The following CLIP1 variants were observed in gnomAD, a reference collection of about 807,000 sequenced individuals.
CLIP1 encodes CAP-Gly domain containing linker protein 1.
In CLIP1, 66 loss-of-function variants were observed where a neutral mutation model predicts 161.6. That is an observed-to-expected ratio of 0.41 (90% confidence interval 0.33 to 0.50). CLIP1 has a LOEUF of 0.50. Among genes scored for constraint, CLIP1 ranks in the 20% least tolerant of loss-of-function variants. The probability of loss-of-function intolerance (pLI) is 0.27; values close to 1 mark genes in which losing one functional copy is unlikely to be tolerated. For missense variants in CLIP1, 1,376 were observed against 1,702.0 expected (o/e 0.81, Z 3.37); for synonymous variants, 598 against 626.2 (o/e 0.96, Z 0.67).
chr12:122,390,560 C>T (rs1174317433), intron 1 of CLIP1, among the ~76,000 whole-genome samples: 1 of 151,642 alleles, frequency 6.6e-6, no homozygotes, highest in African/African-American at 2.4e-5. Flanking sequence ...GATCCGCCCA[C>T]CTCGGCCTCC....
At chr12:122,371,856 T>G (rs1954467921) in intron 3 of CLIP1, among the ~76,000 whole-genome samples, 1 of 152,238 alleles carries the variant, frequency 6.6e-6, no homozygotes, top group East Asian at 1.9e-4. Context: ...CCACTGAGTC[T>G]GCTGTGTGCA....
rs2136293029 is a variant in CLIP1, at chr12:122,288,471, A to C, written c.3647+18T>G. 2 of 1,599,224 alleles carry C rather than the reference A, an allele frequency of 1.3e-6. No homozygotes were observed. Among genetic ancestry groups the C allele is most frequent in the East Asian group, 4.5e-5 (2 of 44,746 alleles). The stretch of plus-strand genomic sequence containing the variant: ...CTTATTAAACACACACACATACAAC[A>C]ATAAACAGAAAGCTTACCTTTTTTT... On this transcript the variant is annotated intron_variant, in intron 21 of 25. Transcript: ENST00000620786.
chr12:122,406,416 CAGTA>C (rs778810248), intron 1 of CLIP1, among the ~76,000 whole-genome samples: 1 of 152,186 alleles, frequency 6.6e-6, no homozygotes, highest in Non-Finnish European at 1.5e-5. Flanking sequence ...TGACACAAGT[CAGTA>C]AGTATCAGAA....
At chr12:122,348,278 T>G (rs923566135) in intron 9 of CLIP1, among the ~76,000 whole-genome samples, 1 of 152,152 alleles carries the variant, frequency 6.6e-6, no homozygotes, top group African/African-American at 2.4e-5. Flanking sequence ...AGAGAAAATT[T>G]AGTAATAATT....
intron 20 of CLIP1, among the ~76,000 whole-genome samples, chr12:122,293,410 CG>C (rs1220402116): frequency 1.3e-5 from 2 of 151,942 alleles, no homozygotes; most frequent in African/African-American, 4.8e-5. Flanking sequence ...GTGGGATAAC[CG>C]GAAACCTCAT....
intron 20 of CLIP1, among the ~76,000 whole-genome samples, chr12:122,294,104 G>A (rs1264355302): frequency 1.3e-5 from 2 of 148,924 alleles, no homozygotes; most frequent in Admixed American, 6.7e-5. Flanking sequence ...CGAGGCGGGC[G>A]GATCACAAGG....
intron 1 of CLIP1, among the ~76,000 whole-genome samples, chr12:122,390,263 C>T (rs1187435102): frequency 7.8e-5 from 7 of 89,680 alleles, no homozygotes; most frequent in East Asian, 4.3e-4. Flanking sequence ...CATATATACA[C>T]ACACATATAT....
chr12:122,273,132 T>G, intron 25 of CLIP1, 32 bp from the exon 26 acceptor site: 1 of 1,582,070 alleles, frequency 6.3e-7, no homozygotes, highest in Non-Finnish European at 8.6e-7. Flanking sequence ...ATCAGAAAAT[T>G]TATCAGAAGA....
chr12:122,387,866 G>T (rs376180751), intron 1 of CLIP1, among the ~76,000 whole-genome samples: 5 of 151,810 alleles, frequency 3.3e-5, no homozygotes, highest in African/African-American at 1.2e-4. Flanking sequence ...GATTAAAGGC[G>T]TGAACCACTG....
At chr12:122,291,414 T>C (rs992252669) in intron 20 of CLIP1, among the ~76,000 whole-genome samples, 5 of 152,106 alleles carry the variant, frequency 3.3e-5, no homozygotes, top group African/African-American at 1.2e-4. Context: ...GGTCTCGAAC[T>C]CCTGACCTCA....
intron 1 of CLIP1, among the ~76,000 whole-genome samples, chr12:122,384,295 C>T (rs568274595): frequency 6.6e-6 from 1 of 152,144 alleles, no homozygotes; most frequent in East Asian, 1.9e-4. Flanking sequence ...TCTGCTACTA[C>T]AAGAATGACC....
chr12:122,334,572 G>T (rs1593094538), intron 13 of CLIP1, 76 bp downstream of exon 13: 2 of 959,238 alleles, frequency 2.1e-6, no homozygotes, highest in East Asian at 2.6e-5. Context: ...GTAACTCTGT[G>T]CACTCCACAG....
rs1267064095 is a variant in CLIP1, at chr12:122,369,537, G to A, written c.658-5430C>T. Among the ~76,000 whole-genome samples the A allele has an allele frequency of 2.6e-5, 4 of 151,828 alleles. No individual in the cohort carries two copies. In the East Asian group the frequency reaches 7.8e-4, roughly 29 times the overall value. On this transcript the variant is annotated intron_variant, in intron 3 of 25. Coordinates refer to ENST00000620786, the MANE Select transcript of CLIP1 (RefSeq NM_001247997.2). ...TTAATGAGCTCCTACTATGTGCCAG[G>A]CCCTGTCCTAAGTGTTGTGGGTGTG...
chr12:122,345,936 T>A (rs900724397), intron 10 of CLIP1, among the ~76,000 whole-genome samples: 1 of 151,918 alleles, frequency 6.6e-6, no homozygotes, highest in African/African-American at 2.4e-5. Context: ...CAGGCATGTG[T>A]CACCACGCCC....
chr12:122,309,977 C>A, intron 19 of CLIP1, 95 bp from the exon 20 acceptor site: 1 of 1,397,526 alleles, frequency 7.2e-7, no homozygotes, highest in Non-Finnish European at 9.9e-7. Context: ...GAAAATATAT[C>A]TGGGTCACGT....
At position 122,356,755 on chromosome 12, in the gene CLIP1, A is replaced by G. The variant is rs1340143183; in HGVS notation, c.1006-1443T>C. 9.3e-4 allele frequency among the ~76,000 whole-genome samples: 139 copies of G among 149,196 alleles called. 2 individuals are homozygous for G. The highest frequency in any genetic ancestry group is 7.5e-5 in the Non-Finnish European group (5 of 66,998). On this transcript the variant is annotated intron_variant, in intron 5 of 25. Coordinates refer to ENST00000620786, the MANE Select transcript of CLIP1 (RefSeq NM_001247997.2). ...CCTCCCTGCCTGATTCTCCTGCCTCAGCCTGCCGAGTGCCTGCGATTGCAG... is the reference window on the plus strand; with the variant it reads ...CCTCCCTGCCTGATTCTCCTGCCTCGGCCTGCCGAGTGCCTGCGATTGCAG...
At chr12:122,371,373 C>T (rs751208673) in intron 3 of CLIP1, among the ~76,000 whole-genome samples, 1 of 152,114 alleles carries the variant, frequency 6.6e-6, no homozygotes, top group Non-Finnish European at 1.5e-5. Context: ...CCAAATTTGG[C>T]ACCTTTGGGG....
At chr12:122,403,824 A>G (rs1423720844) in intron 1 of CLIP1, among the ~76,000 whole-genome samples, 3 of 151,996 alleles carry the variant, frequency 2.0e-5, no homozygotes, top group Admixed American at 1.3e-4. Context: ...CCAGCCGCAT[A>G]TAGCTGTTTC....
chr12:122,321,927 A>G (rs1011182460), intron 17 of CLIP1, among the ~76,000 whole-genome samples: 3 of 152,226 alleles, frequency 2.0e-5, no homozygotes, highest in Admixed American at 2.0e-4. Context: ...AGAGACTACT[A>G]CAGTGAGATA....
Sources: allele counts gnomAD v4.1 joint callset (sites outside exome capture counted in the v4.1 genomes callset), GRCh38; gene constraint gnomAD v4.1.1; transcripts MANE v1.5; gene names NCBI Gene and HGNC (gene_info 2026-07-23, HGNC 2026-07-21).